Variants in HDAC4 observed in about 807,000 individuals in gnomAD.
The protein encoded by HDAC4 is histone deacetylase A.
A neutral mutation model predicts 135.1 loss-of-function variants in HDAC4; 16 were observed. That is an observed-to-expected ratio of 0.12 (90% confidence interval 0.08 to 0.18). The LOEUF (loss-of-function observed/expected upper bound fraction) is 0.18, where lower values mean the gene tolerates loss of function less well. Ranked by LOEUF, HDAC4 falls within the 10% of genes least tolerant of loss-of-function variation. The probability of loss-of-function intolerance (pLI) is 1.00; values close to 1 mark genes in which losing one functional copy is unlikely to be tolerated. For missense variants in HDAC4, 1,143 were observed against 1,511.8 expected, an observed-to-expected ratio of 0.76 and a Z score of 4.05; for synonymous variants, 685 against 653.4, an observed-to-expected ratio of 1.05 and a Z score of -0.74.
chr2:239,374,631 C>T (rs867761600), intron 1 of HDAC4, among the ~76,000 whole-genome samples: 2 of 151,594 alleles, frequency 1.3e-5, no homozygotes, highest in Admixed American at 1.3e-4. Context: ...TCTCGATCTC[C>T]TGACCTCGTG....
intron 3 of HDAC4, among the ~76,000 whole-genome samples, chr2:239,215,560 C>T (rs916436058): frequency 2.6e-5 from 4 of 152,182 alleles, no homozygotes; most frequent in African/African-American, 9.6e-5. Flanking sequence ...GCAGGGAGAT[C>T]GAGTTCTGCC....
rs2030995500 is a variant in HDAC4 at position 239,052,410 on chromosome 2, CAAT to C, written c.*684_*686del. 1 of 152,202 alleles carries C rather than the reference CAAT, an allele frequency of 6.6e-6. No individual in the cohort carries two copies. The highest frequency in any genetic ancestry group is 1.9e-4 in the East Asian group (1 of 5,188). 9.4% of individuals were successfully genotyped at this position (152,202 alleles called of 1,614,324 possible). On this transcript the variant is annotated 3_prime_UTR_variant, in exon 27 of 27. Coordinates refer to ENST00000543185, the MANE Select transcript of HDAC4 (RefSeq NM_001378414.1). ...ACCCAGCCACAAAAATCCACCAGAG[CAAT>C]AAAAAAAAAGGCACAAACTCGCATC...
chr2:239,105,392 G>GCA (rs963823714), intron 15 of HDAC4, among the ~76,000 whole-genome samples: 2 of 152,154 alleles, frequency 1.3e-5, no homozygotes, highest in Non-Finnish European at 2.9e-5. Flanking sequence ...GGCGGGGCCC[G>GCA]CACACACACA....
chr2:239,234,348 A>G (rs1431810036), intron 3 of HDAC4, among the ~76,000 whole-genome samples: 1 of 152,160 alleles, frequency 6.6e-6, no homozygotes, highest in East Asian at 1.9e-4. Flanking sequence ...ACTCAGACCA[A>G]TGGGAACCTG....
intron 22 of HDAC4, among the ~76,000 whole-genome samples, chr2:239,073,812 G>A (rs2034450269): frequency 6.6e-6 from 1 of 152,232 alleles, no homozygotes; most frequent in South Asian, 2.1e-4. Flanking sequence ...TGGCAGGATG[G>A]AGAGAATGCC....
At chr2:239,366,859 C>A (rs1466010496) in intron 1 of HDAC4, among the ~76,000 whole-genome samples, 1 of 137,050 alleles carries the variant, frequency 7.3e-6, no homozygotes, top group African/African-American at 3.7e-5. Flanking sequence ...GGGCAGGTGA[C>A]AAACAGCCCC....
intron 2 of HDAC4, among the ~76,000 whole-genome samples, chr2:239,325,054 T>C (rs1348621011): frequency 1.3e-5 from 2 of 152,184 alleles, no homozygotes; most frequent in Admixed American, 1.3e-4. Flanking sequence ...AGGAATGAAG[T>C]TGAACCCCTA....
rs992696797 is a variant in HDAC4, at chr2:239,146,875, C to T, written c.734-2161G>A. Among the ~76,000 whole-genome samples the T allele has an allele frequency of 6.6e-6, 1 of 152,104 alleles. No homozygotes were observed. Among genetic ancestry groups the T allele is most frequent in the African/African-American group, 2.4e-5 (1 of 41,386 alleles). ...TTCTTCTGTCCCCTCACCTGTTTAC[C>T]CCCTGCCTCCCAGCCTGCACACCTG... On this transcript the variant is annotated intron_variant, in intron 7 of 26. Transcript: ENST00000543185. This position sits in a 1 kb window ranked among gnomAD's most constrained non-coding sequence, Gnocchi z 4.5.
chr2:239,356,879 A>C (rs2125938621), intron 1 of HDAC4, among the ~76,000 whole-genome samples: 1 of 152,282 alleles, frequency 6.6e-6, no homozygotes, highest in Non-Finnish European at 1.5e-5. Context: ...ATAAAATAAT[A>C]ATATAAAATA....
At chr2:239,084,862 CCA>C (rs1176081090) in intron 19 of HDAC4, among the ~76,000 whole-genome samples, 1 of 151,432 alleles carries the variant, frequency 6.6e-6, no homozygotes, top group African/African-American at 2.4e-5. Flanking sequence ...CATATATGCC[CCA>C]CAGATACGCC....
intron 1 of HDAC4, among the ~76,000 whole-genome samples, chr2:239,367,059 C>A (rs1242814923): frequency 6.6e-6 from 1 of 152,104 alleles, no homozygotes; most frequent in Non-Finnish European, 1.5e-5. Context: ...ACCCTATCGG[C>A]CAAATAAGTG....
intron 1 of HDAC4, among the ~76,000 whole-genome samples, chr2:239,390,359 C>G (rs62180887): frequency 0.01 from 1,597 of 152,278 alleles, 16 homozygotes; most frequent in South Asian, 0.022. Context: ...ATGGCGAAAC[C>G]TCATCTCTAC....
chr2:239,145,636 G>A (rs1172136289), intron 7 of HDAC4, among the ~76,000 whole-genome samples: 1 of 152,236 alleles, frequency 6.6e-6, no homozygotes, highest in South Asian at 2.1e-4. Flanking sequence ...TGTCACACAA[G>A]CCTTTGAGTT....
intron 2 of HDAC4, among the ~76,000 whole-genome samples, chr2:239,338,475 C>G (rs1331402547): frequency 1.3e-5 from 2 of 152,152 alleles, no homozygotes; most frequent in East Asian, 1.9e-4. Flanking sequence ...CCCCCTAGTG[C>G]AAACATCAAA....
At chr2:239,302,799 G>A (rs1331664519) in intron 2 of HDAC4, among the ~76,000 whole-genome samples, 1 of 152,214 alleles carries the variant, frequency 6.6e-6, no homozygotes, top group Non-Finnish European at 1.5e-5. Flanking sequence ...TCTAAGAACT[G>A]CTCACTCTTG....
intron 2 of HDAC4, among the ~76,000 whole-genome samples, chr2:239,329,460 C>T (rs937261429): frequency 2.0e-5 from 3 of 149,044 alleles, no homozygotes; most frequent in African/African-American, 4.9e-5. Flanking sequence ...GGGGCCACGT[C>T]GGGCCAGCAG....
intron 2 of HDAC4, among the ~76,000 whole-genome samples, chr2:239,328,584 G>A (rs2053535598): frequency 6.6e-6 from 1 of 152,230 alleles, no homozygotes; most frequent in South Asian, 2.1e-4. Context: ...TCCTATCCAT[G>A]AGAGTGGGGA....
At chr2:239,241,810 T>C (rs1243100164) in intron 2 of HDAC4, among the ~76,000 whole-genome samples, 1 of 152,202 alleles carries the variant, frequency 6.6e-6, no homozygotes, top group Non-Finnish European at 1.5e-5. Flanking sequence ...TTAAGAGGTC[T>C]TATCTTTCAC....
intron 5 of HDAC4, among the ~76,000 whole-genome samples, chr2:239,174,295 A>G (rs1040733469): frequency 6.6e-5 from 10 of 152,350 alleles, no homozygotes; most frequent in South Asian, 2.1e-4. Flanking sequence ...GGTTGATTCC[A>G]TAATATATAA....
Sources: gnomAD v4.1 joint callset for allele counts (sites outside exome capture counted in the v4.1 genomes callset) on GRCh38, gnomAD v4.1.1 for gene constraint, Gnocchi (gnomAD v3.1) non-coding constraint, MANE v1.5 for transcripts, NCBI Gene and HGNC (gene_info 2026-07-23, HGNC 2026-07-21) for gene names.